The following LRRTM4 variants were observed in gnomAD, a reference collection of about 807,000 sequenced individuals.
The protein encoded by LRRTM4 is leucine rich repeat transmembrane neuronal 4.
A neutral mutation model predicts 47.6 loss-of-function variants in LRRTM4; 25 were observed. The ratio of observed to expected loss-of-function variants is 0.53; its 90% CI spans 0.38 to 0.73. The LOEUF is 0.73. Among genes scored for constraint, LRRTM4 ranks in the 30% least tolerant of loss-of-function variants. The pLI is 0.00. For synonymous variants in LRRTM4, 311 were observed against 269.5 expected, an observed-to-expected ratio of 1.15 and a Z score of -1.51; for missense variants, 638 against 713.4, an observed-to-expected ratio of 0.89 and a Z score of 1.20.
At chr2:77,098,183 A>AT (rs1179369717) in intron 3 of LRRTM4, among the ~76,000 whole-genome samples, 3 of 151,996 alleles carry the variant, frequency 2.0e-5, no homozygotes, top group African/African-American at 7.2e-5. Flanking sequence ...TTAAAAAAAA[A>AT]TTTTGTGGAA....
At chr2:77,475,613 T>C (rs1677356268) in intron 3 of LRRTM4, among the ~76,000 whole-genome samples, 1 of 152,018 alleles carries the variant, frequency 6.6e-6, no homozygotes, top group Admixed American at 6.6e-5. Context: ...TTAGATTAAA[T>C]AATATACATA....
chr2:76,876,721 T>A (rs535210717), intron 3 of LRRTM4, among the ~76,000 whole-genome samples: 1 of 152,086 alleles, frequency 6.6e-6, no homozygotes, highest in South Asian at 2.1e-4. Context: ...ATCTGGTCCA[T>A]TTTTTTAATA....
intron 3 of LRRTM4, among the ~76,000 whole-genome samples, chr2:76,785,266 A>T (rs577454590): frequency 5.3e-5 from 8 of 152,300 alleles, no homozygotes; most frequent in South Asian, 4.1e-4. Flanking sequence ...TAATTTTCTC[A>T]AATGTGGGAC....
At chr2:77,321,558 G>C (rs74615062) in intron 3 of LRRTM4, among the ~76,000 whole-genome samples, 3 of 72,880 alleles carry the variant, frequency 4.1e-5, no homozygotes, top group Admixed American at 1.5e-4. Context: ...GGGGAGGGGG[G>C]GGGGTGTGTG....
intron 3 of LRRTM4, among the ~76,000 whole-genome samples, chr2:77,262,557 T>A (rs975255848): frequency 3.9e-5 from 6 of 152,018 alleles, no homozygotes; most frequent in African/African-American, 1.4e-4. Context: ...TTTTTTCATG[T>A]TTTCTTAGAC....
intron 3 of LRRTM4, among the ~76,000 whole-genome samples, chr2:77,387,140 C>T (rs186049307): frequency 3.3e-5 from 5 of 151,834 alleles, no homozygotes; most frequent in East Asian, 1.9e-4. Flanking sequence ...CTTATGGAGA[C>T]GCTTTAAGAA....
At chr2:77,348,889 G>A (rs1313163566) in intron 3 of LRRTM4, among the ~76,000 whole-genome samples, 2 of 151,688 alleles carry the variant, frequency 1.3e-5, no homozygotes, top group Non-Finnish European at 3.0e-5. Context: ...ACAAATTAAT[G>A]AGAAAATTAA....
At chr2:77,322,585 A>G (rs893079486) in intron 3 of LRRTM4, among the ~76,000 whole-genome samples, 6 of 151,936 alleles carry the variant, frequency 3.9e-5, no homozygotes, top group African/African-American at 1.4e-4. Flanking sequence ...GATAAAAACA[A>G]GAGTTTGGAA....
At chr2:77,355,835 G>A (rs188573689) in intron 3 of LRRTM4, among the ~76,000 whole-genome samples, 3 of 152,306 alleles carry the variant, frequency 2.0e-5, no homozygotes, top group Admixed American at 6.5e-5. Context: ...GCTCATTCCT[G>A]TAATCCCAGC....
Position 76,748,862 on chromosome 2 carries a change from C to T in LRRTM4, c.1606G>A (p.Gly536Arg), listed in dbSNP as rs534581077. ...PYYSYDQPVI[G>R]YCQAHQPLHV... ...AGTGGCTGGTGGGCCTGGCAGTACC[C>T]GATCACAGGCTGGTCATAGCTGTAA... Residue 536 changes from glycine to arginine, a missense_variant, in exon 4 of 4, where the codon GGG (glycine) becomes AGG (arginine). Coordinates refer to ENST00000409884, the MANE Select transcript of LRRTM4 (RefSeq NM_001134745.3). The T allele has an allele frequency of 1.4e-5, 23 of 1,613,772 alleles. No homozygotes were observed. The highest frequency in any genetic ancestry group is 1.8e-5 in the Non-Finnish European group (21 of 1,179,886).
intron 3 of LRRTM4, among the ~76,000 whole-genome samples, chr2:76,998,730 C>G (rs1302044591): frequency 6.6e-6 from 1 of 151,380 alleles, no homozygotes; most frequent in Admixed American, 6.6e-5. Flanking sequence ...TGTCACAATC[C>G]CTAGTTACCC....
intron 3 of LRRTM4, among the ~76,000 whole-genome samples, chr2:77,435,377 G>A (rs1281352766): frequency 6.6e-6 from 1 of 152,106 alleles, no homozygotes; most frequent in Non-Finnish European, 1.5e-5. Context: ...ATATTTTAAA[G>A]TTTTATTACT....
Position 77,329,231 on chromosome 2 carries a change from G to A in LRRTM4, c.1551+189087C>T, listed in dbSNP as rs572029507. Among the ~76,000 whole-genome samples the A allele has an allele frequency of 1.1e-4, 17 of 152,238 alleles. No individual in the cohort carries two copies. The South Asian group carries it at 3.5e-3, about 32-fold the overall frequency. On this transcript the variant is annotated intron_variant, in intron 3 of 3. Transcript: ENST00000409884. The stretch of plus-strand genomic sequence containing the variant: ...TTCAGCTCAAATTACCAAAAAAATT[G>A]TTTACATAAAATTGTACCTTTACCT...
intron 3 of LRRTM4, among the ~76,000 whole-genome samples, chr2:76,775,914 C>T (rs142101196): frequency 2.0e-5 from 3 of 151,054 alleles, no homozygotes; most frequent in Non-Finnish European, 2.9e-5. Context: ...CGCCTCCCCC[C>T]ACCCCACAAC....
rs534890074 is a variant in LRRTM4, at chr2:77,159,522, G to T, written c.1551+358796C>A. 2.2e-5 allele frequency among the ~76,000 whole-genome samples: 3 copies of T among 135,518 alleles called. No individual in the cohort carries two copies. The South Asian group carries it at 7.8e-4, about 35-fold the overall frequency. 88.9% of individuals were successfully genotyped at this position (135,518 alleles called of 152,430 possible). The stretch of plus-strand genomic sequence containing the variant: ...TGTACCCTAGGACTTAAAGTATAAT[G>T]GAAAAAAAAAAAAAGAAAAAAAAAG... On this transcript the variant is annotated intron_variant, in intron 3 of 3. Coordinates refer to ENST00000409884, the MANE Select transcript of LRRTM4 (RefSeq NM_001134745.3).
chr2:76,914,026 G>A (rs1674161217), intron 3 of LRRTM4, among the ~76,000 whole-genome samples: 1 of 151,324 alleles, frequency 6.6e-6, no homozygotes, highest in South Asian at 2.1e-4. Flanking sequence ...AAATTTAAAA[G>A]TATAATTATA....
intron 3 of LRRTM4, among the ~76,000 whole-genome samples, chr2:77,273,017 T>C (rs1325269362): frequency 6.6e-6 from 1 of 152,182 alleles, no homozygotes; most frequent in African/African-American, 2.4e-5. Flanking sequence ...AGTACTTTTT[T>C]AGTGAATTCC....
intron 3 of LRRTM4, among the ~76,000 whole-genome samples, chr2:76,901,514 T>G (rs1673631760): frequency 6.6e-6 from 1 of 152,144 alleles, no homozygotes; most frequent in Non-Finnish European, 1.5e-5. Context: ...TCTAGTTTCT[T>G]CATTCCCGCC....
intron 3 of LRRTM4, among the ~76,000 whole-genome samples, chr2:77,237,438 CTT>C (rs1450808309): frequency 6.6e-6 from 1 of 151,932 alleles, no homozygotes; most frequent in Non-Finnish European, 1.5e-5. Flanking sequence ...GATATTCTCT[CTT>C]TTTTGCTTTT....
Sources: gnomAD v4.1 joint callset for allele counts (sites outside exome capture counted in the v4.1 genomes callset) on GRCh38, gnomAD v4.1.1 for gene constraint, MANE v1.5 for transcripts, NCBI Gene and HGNC (gene_info 2026-07-23, HGNC 2026-07-21) for gene names.